Variants in SYT1 observed in about 807,000 individuals in gnomAD.
SYT1 encodes synaptotagmin-1.
SYT1 carries 8 observed loss-of-function variants against 44.8 expected under a neutral mutation model. The observed-to-expected ratio is 0.18, with a 90% confidence interval of 0.10 to 0.32. SYT1 has a LOEUF of 0.32. Among genes scored for constraint, SYT1 ranks in the 10% least tolerant of loss-of-function variants. The pLI is 1.00. For synonymous variants in SYT1, 154 were observed against 188.8 expected (o/e 0.82, Z 1.51); for missense variants, 286 against 509.3 (o/e 0.56, Z 4.22).
intron 2 of SYT1, among the ~76,000 whole-genome samples, chr12:79,026,699 A>ATATATATATATC (rs1164483809): frequency 4.6e-5 from 6 of 130,664 alleles, no homozygotes; most frequent in African/African-American, 1.4e-4. Context: ...ATATATATAT[A>ATATATATATATC]TATCACACTT....
intron 3 of SYT1, among the ~76,000 whole-genome samples, chr12:79,104,103 TATATG>T (rs1254708690): frequency 6.6e-6 from 1 of 152,134 alleles, no homozygotes; most frequent in Non-Finnish European, 1.5e-5. Flanking sequence ...ATTGCAATGT[TATATG>T]ATATGTTATT....
intron 9 of SYT1, among the ~76,000 whole-genome samples, chr12:79,425,986 A>G (rs922791199): frequency 6.6e-6 from 1 of 152,188 alleles, no homozygotes; most frequent in Admixed American, 6.5e-5. Flanking sequence ...TCAATTATTC[A>G]ATAAAGATTG....
intron 4 of SYT1, among the ~76,000 whole-genome samples, chr12:79,224,737 T>G (rs1223096267): frequency 1.8e-5 from 1 of 55,778 alleles, no homozygotes; most frequent in Non-Finnish European, 3.2e-5. Flanking sequence ...GTTTCATTTT[T>G]TATTTATTTA....
chr12:79,449,081 A>AGGT lies in SYT1; in HGVS notation c.1227_1229dup (p.Val410dup). On this transcript the variant is annotated inframe_insertion, in exon 11 of 11. Transcript: ENST00000261205. ...CCTATTGCCCAGTGGCACACCCTGC[A>AGGT]GGTAGAGGAGGAAGTTGATGCCATG... 1.2e-6 allele frequency: 2 copies of AGGT among 1,613,974 alleles called. No homozygotes were observed. Among genetic ancestry groups the AGGT allele is most frequent in the Non-Finnish European group, 1.7e-6 (2 of 1,179,924 alleles).
chr12:78,975,208 A>G (rs1452435446), intron 1 of SYT1, among the ~76,000 whole-genome samples: 1 of 148,584 alleles, frequency 6.7e-6, no homozygotes, highest in Non-Finnish European at 1.5e-5. Flanking sequence ...CTCTGTTTTC[A>G]CTCTTCAAGG....
Position 79,386,006 on chromosome 12 carries a change from T to C in SYT1, c.928+32387T>C, listed in dbSNP as rs1268387302. 2.0e-5 allele frequency among the ~76,000 whole-genome samples: 3 copies of C among 152,354 alleles called. No homozygotes were observed. In the East Asian group the frequency reaches 5.8e-4, roughly 29 times the overall value. On this transcript the variant is annotated intron_variant, in intron 9 of 10. Coordinates refer to ENST00000261205, the MANE Select transcript of SYT1 (RefSeq NM_005639.3). ...CACAGAAGGTGGTGCATGGCAGTGC[T>C]GGTGAATATCATTGCTGCAGTCTCT...
chr12:78,885,340 AAAGG>A lies in SYT1; in HGVS notation c.-217+20242_-217+20245del, dbSNP rs1426689388. ...GGGAAGAAGGAAGGAGGGAAGGAAG[AAAGG>A]AAGGAAGGAACGAAGGAAGGAAGGA... On this transcript the variant is annotated intron_variant, in intron 1 of 10. Transcript: ENST00000261205. Among the ~76,000 whole-genome samples, 5 of 29,934 alleles carry A rather than the reference AAAGG, an allele frequency of 1.7e-4. No homozygotes were observed. In the East Asian group the frequency reaches 5.7e-3, roughly 34 times the overall value. The allele number at this position is 29,934 out of a possible 152,430, so 19.6% of individuals were successfully genotyped here.
chr12:79,082,469 C>T (rs991189782), intron 3 of SYT1, among the ~76,000 whole-genome samples: 11 of 152,156 alleles, frequency 7.2e-5, no homozygotes, highest in African/African-American at 2.7e-4. Context: ...TCTGAACAGA[C>T]ATGATCCCTA....
rs183369515 is a variant in SYT1, at chr12:79,309,798, T to C, written c.810+10247T>C. On this transcript the variant is annotated intron_variant, in intron 8 of 10. Transcript: ENST00000261205. ...CATTTTACCTAAGGTACTGTTAACA[T>C]TGTATAGAGAAAGATTCATCTTAAG... Among the ~76,000 whole-genome samples, 202 of 152,300 alleles carry C rather than the reference T, an allele frequency of 1.3e-3. 1 individual carries two copies. The highest frequency in any genetic ancestry group is 2.4e-3 in the Non-Finnish European group (166 of 68,012).
chr12:79,105,856 G>T (rs550505491), intron 3 of SYT1, among the ~76,000 whole-genome samples: 1 of 151,722 alleles, frequency 6.6e-6, no homozygotes, highest in Non-Finnish European at 1.5e-5. Context: ...CTCCAGCCTG[G>T]GCAACAGAGC....
intron 9 of SYT1, among the ~76,000 whole-genome samples, chr12:79,419,025 AC>A (rs1437351253): frequency 6.6e-6 from 1 of 152,162 alleles, no homozygotes; most frequent in East Asian, 1.9e-4. Context: ...AGAGGGTAGT[AC>A]CTTCTTCCCC....
At chr12:79,423,813 G>A (rs989260108) in intron 9 of SYT1, among the ~76,000 whole-genome samples, 1 of 151,776 alleles carries the variant, frequency 6.6e-6, no homozygotes, top group East Asian at 1.9e-4. Context: ...TATACAGATG[G>A]AGGCAAGCAG....
At chr12:78,949,277 A>T (rs12833941) in intron 1 of SYT1, among the ~76,000 whole-genome samples, 23,061 of 151,712 alleles carry the variant, frequency 0.15, 2,068 homozygotes, top group East Asian at 0.3. Context: ...TACTTGAAGA[A>T]AATTTGATAA....
At chr12:78,921,664 A>ATG (rs900923059) in intron 1 of SYT1, among the ~76,000 whole-genome samples, 1 of 151,984 alleles carries the variant, frequency 6.6e-6, no homozygotes, top group African/African-American at 2.4e-5. Context: ...TCCCATTGGT[A>ATG]TGCTGCCTTG....
chr12:78,943,629 T>C (rs1487810622), intron 1 of SYT1, among the ~76,000 whole-genome samples: 1 of 152,118 alleles, frequency 6.6e-6, no homozygotes, highest in East Asian at 1.9e-4. Flanking sequence ...ATTCAAACTA[T>C]ATCACCCATC....
At chr12:78,966,924 G>A (rs1007697251) in intron 1 of SYT1, among the ~76,000 whole-genome samples, 7 of 152,100 alleles carry the variant, frequency 4.6e-5, no homozygotes, top group South Asian at 2.1e-4. Flanking sequence ...GTATGTTACA[G>A]TTTTTAACAA....
At chr12:79,183,849 C>T (rs192264977) in intron 3 of SYT1, among the ~76,000 whole-genome samples, 20 of 152,154 alleles carry the variant, frequency 1.3e-4, no homozygotes. Flanking sequence ...GGCATAATTA[C>T]AGGAAACAAC....
At chr12:79,056,457 C>T (rs1468206414) in intron 3 of SYT1, among the ~76,000 whole-genome samples, 1 of 152,016 alleles carries the variant, frequency 6.6e-6, no homozygotes, top group Non-Finnish European at 1.5e-5. Flanking sequence ...AAGCTTGAGA[C>T]ATTTTGACAG....
intron 8 of SYT1, 24 bp downstream of exon 8, chr12:79,299,575 A>G (rs1006827058): frequency 6.2e-7 from 1 of 1,609,060 alleles, no homozygotes; most frequent in Non-Finnish European, 8.5e-7. Context: ...TAGCATTTCT[A>G]ACATCACAAG....
Sources: allele counts gnomAD v4.1 joint callset (sites outside exome capture counted in the v4.1 genomes callset), GRCh38; gene constraint gnomAD v4.1.1; transcripts MANE v1.5; gene names NCBI Gene and HGNC (gene_info 2026-07-23, HGNC 2026-07-21).